KCNJ6: variants seen among roughly 807,000 people sequenced by gnomAD.
The protein encoded by KCNJ6 is G protein-activated inward rectifier potassium channel 2.
Under a neutral mutation model 34.2 loss-of-function variants are expected in KCNJ6, and 9 were observed. That is an observed-to-expected ratio of 0.26 (90% CI 0.16 to 0.46). The LOEUF (loss-of-function observed/expected upper bound fraction) is 0.46. KCNJ6 is among the 20% of genes least tolerant of loss of function. The probability of loss-of-function intolerance (pLI) is 1.00; values close to 1 mark genes in which losing one functional copy is unlikely to be tolerated. For missense variants in KCNJ6, 236 were observed against 531.3 expected, an observed-to-expected ratio of 0.44 and a Z score of 5.46; for synonymous variants, 196 against 207.1, an observed-to-expected ratio of 0.95 and a Z score of 0.46.
At chr21:37,724,659 C>T (rs960008259) in intron 2 of KCNJ6, among the ~76,000 whole-genome samples, 7 of 152,066 alleles carry the variant, frequency 4.6e-5, no homozygotes, top group South Asian at 2.1e-4. Flanking sequence ...GGATCATGTT[C>T]GTTTGGGCAT....
At chr21:37,778,881 C>T (rs2055156094) in intron 2 of KCNJ6, among the ~76,000 whole-genome samples, 4 of 151,928 alleles carry the variant, frequency 2.6e-5, no homozygotes, top group Admixed American at 1.3e-4. Context: ...GCACCTGGGG[C>T]CATCCACACG....
At chr21:37,813,586 C>T (rs913064517) in intron 2 of KCNJ6, among the ~76,000 whole-genome samples, 1 of 152,070 alleles carries the variant, frequency 6.6e-6, no homozygotes, top group African/African-American at 2.4e-5. Flanking sequence ...ATAGAGAGCC[C>T]AGAAGCAAAT....
chr21:37,762,091 G>A (rs2055068315), intron 2 of KCNJ6, among the ~76,000 whole-genome samples: 1 of 152,184 alleles, frequency 6.6e-6, no homozygotes, highest in African/African-American at 2.4e-5. Flanking sequence ...TCCCCAGTGT[G>A]TGTGCAGGAT....
At chr21:37,653,507 A>AG (rs759547317) in intron 3 of KCNJ6, among the ~76,000 whole-genome samples, 2 of 152,160 alleles carry the variant, frequency 1.3e-5, no homozygotes, top group African/African-American at 2.4e-5. Flanking sequence ...AAAATACTCA[A>AG]GGGGGGACGT....
chr21:37,815,392 A>G (rs1242278881), intron 2 of KCNJ6, among the ~76,000 whole-genome samples: 3 of 152,186 alleles, frequency 2.0e-5, no homozygotes, highest in Non-Finnish European at 4.4e-5. Context: ...AAATACATAT[A>G]CCCACTATGT....
chr21:37,839,124 C>T (rs976600463), intron 2 of KCNJ6, among the ~76,000 whole-genome samples: 9 of 152,154 alleles, frequency 5.9e-5, no homozygotes, highest in Admixed American at 3.9e-4. Flanking sequence ...TACCCAGTCT[C>T]GGGTAATTCT....
chr21:37,746,470 C>T (rs543755316), intron 2 of KCNJ6, among the ~76,000 whole-genome samples: 1 of 152,290 alleles, frequency 6.6e-6, no homozygotes, highest in South Asian at 2.1e-4. Flanking sequence ...ACTGAGTGTG[C>T]TCTGTATACA....
rs529988677 is a variant in KCNJ6, at chr21:37,916,409, C to T, written c.-553G>A. 1 of 152,290 alleles carries T rather than the reference C, an allele frequency of 6.6e-6. No individual in the cohort carries two copies. The highest frequency in any genetic ancestry group is 2.4e-5 in the African/African-American group (1 of 41,568). The allele number at this position is 152,290 out of a possible 1,614,324, so 9.4% of individuals were successfully genotyped here. On this transcript the variant is annotated 5_prime_UTR_variant, in exon 1 of 4. Coordinates refer to ENST00000609713, the MANE Select transcript of KCNJ6 (RefSeq NM_002240.5). ...ATGCTACTCAATTCCAGCCGACTGGCTGAGCCCCGCTGGCAGCGCACGAAG... is the reference window on the plus strand; with the variant it reads ...ATGCTACTCAATTCCAGCCGACTGGTTGAGCCCCGCTGGCAGCGCACGAAG...
At chr21:37,689,707 C>T (rs548116903) in intron 3 of KCNJ6, among the ~76,000 whole-genome samples, 11 of 151,962 alleles carry the variant, frequency 7.2e-5, no homozygotes, top group South Asian at 4.2e-4. Flanking sequence ...CATGTCATGC[C>T]GGGCTATGTT....
chr21:37,880,768 C>T (rs566984285), intron 1 of KCNJ6, among the ~76,000 whole-genome samples: 1 of 152,210 alleles, frequency 6.6e-6, no homozygotes. Flanking sequence ...AGGCGTGAAG[C>T]ATATTTCCCA....
chr21:37,757,772 C>A (rs1295117846), intron 2 of KCNJ6, among the ~76,000 whole-genome samples: 1 of 152,272 alleles, frequency 6.6e-6, no homozygotes, highest in Non-Finnish European at 1.5e-5. Context: ...TTCCCTATTA[C>A]GGAGAAGAGA....
chr21:37,777,466 T>C (rs1310284926), intron 2 of KCNJ6, among the ~76,000 whole-genome samples: 1 of 152,184 alleles, frequency 6.6e-6, no homozygotes, highest in Admixed American at 6.5e-5. Flanking sequence ...TCCTGGTCTG[T>C]TTCACTTTAC....
At chr21:37,911,003 T>C (rs2055864496) in intron 1 of KCNJ6, among the ~76,000 whole-genome samples, 1 of 152,214 alleles carries the variant, frequency 6.6e-6, no homozygotes, top group South Asian at 2.1e-4. Flanking sequence ...TATGATTAGA[T>C]CAAAGCTATA....
In KCNJ6 at chr21:37,615,241, A is replaced by ATTTTTTTTTTTTTTTTTTT. The variant is rs2054262036; in HGVS notation, c.*9917_*9918insAAAAAAAAAAAAAAAAAAA. ...CAGACCCTCGACTGACATTCCCAGC[A>ATTTTTTTTTTTTTTTTTTT]TTCTTTTTTTTTTTTTTTTTTTTTT... On this transcript the variant is annotated 3_prime_UTR_variant, in exon 4 of 4. Transcript: ENST00000609713. The ATTTTTTTTTTTTTTTTTTT allele has an allele frequency of 3.6e-5, 4 of 111,856 alleles. 1 individual carries two copies. The highest frequency in any genetic ancestry group is 1.1e-4 in the African/African-American group (3 of 26,214). The allele number at this position is 111,856 out of a possible 1,614,324, so 6.9% of individuals were successfully genotyped here. A position where few individuals can be genotyped will look rare whatever the true frequency, so the allele number is the denominator to read the frequency against.
chr21:37,709,623 CA>C, intron 3 of KCNJ6, among the ~76,000 whole-genome samples: 2 of 152,316 alleles, frequency 1.3e-5, no homozygotes, highest in South Asian at 4.2e-4. Flanking sequence ...GCACTGAACA[CA>C]GAGTGCCCGA....
chr21:37,874,304 C>T (rs2055667067), intron 1 of KCNJ6, among the ~76,000 whole-genome samples: 1 of 152,156 alleles, frequency 6.6e-6, no homozygotes, highest in African/African-American at 2.4e-5. Flanking sequence ...CTTTTCTTTG[C>T]TGGTTTCTCA....
chr21:37,710,201 G>C (rs1389889955), intron 3 of KCNJ6, among the ~76,000 whole-genome samples: 1 of 152,224 alleles, frequency 6.6e-6, no homozygotes. Context: ...ACATGTAAGA[G>C]ACGATTGGAA....
intron 1 of KCNJ6, among the ~76,000 whole-genome samples, chr21:37,908,291 T>C (rs1239845535): frequency 6.6e-6 from 1 of 152,248 alleles, no homozygotes; most frequent in Non-Finnish European, 1.5e-5. Flanking sequence ...CTTTTGCTTC[T>C]AGTGAAAAGG....
chr21:37,612,698 T>A lies in KCNJ6; in HGVS notation c.*12461A>T, dbSNP rs868690980. 7.4e-4 allele frequency: 92 copies of A among 124,552 alleles called. No homozygotes were observed. The highest frequency in any genetic ancestry group is 2.8e-3 in the African/African-American group (89 of 31,534). 7.7% of individuals were successfully genotyped at this position (124,552 alleles called of 1,614,324 possible). A position where few individuals can be genotyped will look rare whatever the true frequency, so the allele number is the denominator to read the frequency against. On this transcript the variant is annotated 3_prime_UTR_variant, in exon 4 of 4. Transcript: ENST00000609713. ...GTCTTTTCAACAAACGGTGTTGAAA[T>A]AGCTGCACATTTGCACATCCACAGG... is the stretch of plus-strand genomic sequence containing the variant.
Sources: allele counts gnomAD v4.1 joint callset (sites outside exome capture counted in the v4.1 genomes callset), GRCh38; gene constraint gnomAD v4.1.1; transcripts MANE v1.5; gene names NCBI Gene and HGNC (gene_info 2026-07-23, HGNC 2026-07-21).